The following XKR4 variants were observed in gnomAD, a reference collection of about 807,000 sequenced individuals.
The protein encoded by XKR4 is XK related 4.
XKR4 carries 12 observed loss-of-function variants against 53.9 expected under a neutral mutation model. The ratio of observed to expected loss-of-function variants is 0.22; its 90% CI spans 0.14 to 0.36. XKR4 has a LOEUF of 0.36. Among genes scored for constraint, XKR4 ranks in the 10% least tolerant of loss-of-function variants. The pLI, the probability that XKR4 is intolerant of heterozygous loss-of-function variation, is 1.00. For missense variants in XKR4, 799 were observed against 859.5 expected (o/e 0.93, Z 0.88); for synonymous variants, 354 against 362.4 (o/e 0.98, Z 0.26).
At chr8:55,435,516 A>G (rs1805161371) in intron 2 of XKR4, among the ~76,000 whole-genome samples, 1 of 150,832 alleles carries the variant, frequency 6.6e-6, no homozygotes, top group South Asian at 2.1e-4. Context: ...AGCCCTTTTT[A>G]TAGCTTTGCC....
At position 55,161,390 on chromosome 8, in the gene XKR4, T is replaced by C. The variant is rs1349864021; in HGVS notation, c.806+58096T>C. On this transcript the variant is annotated intron_variant, in intron 1 of 2. Transcript: ENST00000327381. ...TAATGGGATTGGTTGGTCCCCTCCT[T>C]ACATCACAGTGACTGTCATAATTCC... 10 of 379,142 alleles carry C rather than the reference T, an allele frequency of 2.6e-5. No individual in the cohort carries two copies. The East Asian group carries it at 7.2e-4, about 27-fold the overall frequency. 23.5% of individuals were successfully genotyped at this position (379,142 alleles called of 1,614,324 possible).
At chr8:55,489,072 T>C (rs1421942116) in intron 2 of XKR4, among the ~76,000 whole-genome samples, 1 of 152,164 alleles carries the variant, frequency 6.6e-6, no homozygotes, top group Non-Finnish European at 1.5e-5. Flanking sequence ...GGTGGATACA[T>C]GGCATTATAC....
intron 1 of XKR4, among the ~76,000 whole-genome samples, chr8:55,141,477 G>A (rs772855710): frequency 1.3e-5 from 2 of 152,016 alleles, no homozygotes; most frequent in African/African-American, 4.8e-5. Context: ...GGACTTTAGG[G>A]TCACACGAGT....
chr8:55,408,592 ATG>A (rs1804724507), intron 2 of XKR4, among the ~76,000 whole-genome samples: 1 of 152,198 alleles, frequency 6.6e-6, no homozygotes, highest in Admixed American at 6.5e-5. Flanking sequence ...CTTCCGGACT[ATG>A]TGGACACAAT....
At chr8:55,248,340 CCT>C (rs1308822450) in intron 1 of XKR4, among the ~76,000 whole-genome samples, 1 of 152,228 alleles carries the variant, frequency 6.6e-6, no homozygotes. Context: ...GTGCATTCAT[CCT>C]CTGTTCTGTA....
At chr8:55,392,584 A>T (rs578237591) in intron 2 of XKR4, among the ~76,000 whole-genome samples, 3 of 152,172 alleles carry the variant, frequency 2.0e-5, no homozygotes, top group African/African-American at 7.2e-5. Context: ...TGAGGCTAGG[A>T]GTTTGAGACC....
At chr8:55,261,067 TC>T (rs1294711109) in intron 1 of XKR4, among the ~76,000 whole-genome samples, 2 of 152,188 alleles carry the variant, frequency 1.3e-5, no homozygotes, top group Non-Finnish European at 2.9e-5. Flanking sequence ...TCTTCTTAAC[TC>T]CTATATCACT....
At chr8:55,298,492 C>G (rs534715107) in intron 1 of XKR4, among the ~76,000 whole-genome samples, 2 of 151,958 alleles carry the variant, frequency 1.3e-5, no homozygotes, top group Non-Finnish European at 2.9e-5. Flanking sequence ...AAAAAGGAGG[C>G]GGCATATCAC....
intron 1 of XKR4, among the ~76,000 whole-genome samples, chr8:55,196,176 T>C (rs958502970): frequency 1.6e-4 from 10 of 63,666 alleles, no homozygotes; most frequent in East Asian, 1.5e-3. Context: ...TTGTGCTTCC[T>C]TTTTTTTTTT....
intron 1 of XKR4, among the ~76,000 whole-genome samples, chr8:55,213,888 C>A (rs1315323687): frequency 8.4e-5 from 7 of 83,528 alleles, no homozygotes; most frequent in East Asian, 4.4e-4. Context: ...TTTTTTGAGA[C>A]GAGTCTCCTG....
chr8:55,216,669 G>A (rs564510586), intron 1 of XKR4, among the ~76,000 whole-genome samples: 3 of 151,204 alleles, frequency 2.0e-5, no homozygotes, highest in African/African-American at 7.3e-5. Context: ...AGAGGTTGCA[G>A]TGAGCTGAGA....
chr8:55,403,462 CAAATAAA>C (rs1369321205), intron 2 of XKR4, among the ~76,000 whole-genome samples: 1 of 152,144 alleles, frequency 6.6e-6, no homozygotes, highest in Non-Finnish European at 1.5e-5. Context: ...CAGTGAAGGA[CAAATAAA>C]AAATAAATAG....
chr8:55,153,050 T>C (rs1816859240), intron 1 of XKR4, among the ~76,000 whole-genome samples: 1 of 152,188 alleles, frequency 6.6e-6, no homozygotes, highest in Non-Finnish European at 1.5e-5. Flanking sequence ...TAGTTCTTTC[T>C]GGAGCTCCCA....
chr8:55,133,790 CAG>C (rs1323374831), intron 1 of XKR4, among the ~76,000 whole-genome samples: 1 of 152,146 alleles, frequency 6.6e-6, no homozygotes, highest in African/African-American at 2.4e-5. Flanking sequence ...AAGAGATGGA[CAG>C]GGAGAATTAC....
intron 1 of XKR4, among the ~76,000 whole-genome samples, chr8:55,289,848 GA>G (rs370138893): frequency 2.8e-5 from 2 of 72,440 alleles, no homozygotes; most frequent in East Asian, 8.8e-4. Context: ...GAGAAAGAAA[GA>G]AGGAAAGAAA....
At chr8:55,220,086 G>A (rs1200765759) in intron 1 of XKR4, among the ~76,000 whole-genome samples, 1 of 152,126 alleles carries the variant, frequency 6.6e-6, no homozygotes, top group Non-Finnish European at 1.5e-5. Context: ...CAAAAACAAT[G>A]AGAAATTGGT....
chr8:55,393,363 A>G (rs1804468536), intron 2 of XKR4, among the ~76,000 whole-genome samples: 1 of 151,886 alleles, frequency 6.6e-6, no homozygotes, highest in African/African-American at 2.4e-5. Context: ...TCTGAAGTAC[A>G]TAAGAATAGA....
At chr8:55,196,586 G>A (rs1435413297) in intron 1 of XKR4, among the ~76,000 whole-genome samples, 1 of 152,234 alleles carries the variant, frequency 6.6e-6, no homozygotes, top group African/African-American at 2.4e-5. Context: ...AAATCAGATT[G>A]TAGGTTTGCA....
At chr8:55,162,064 C>T (rs1010304684) in intron 1 of XKR4, among the ~76,000 whole-genome samples, 2 of 152,192 alleles carry the variant, frequency 1.3e-5, no homozygotes, top group African/African-American at 4.8e-5. Flanking sequence ...TCCTACCTGT[C>T]TTTCAAAGCT....
Sources: allele counts gnomAD v4.1 joint callset (sites outside exome capture counted in the v4.1 genomes callset), GRCh38; gene constraint gnomAD v4.1.1; transcripts MANE v1.5; gene names NCBI Gene and HGNC (gene_info 2026-07-23, HGNC 2026-07-21).